HBEGF: variants seen among roughly 807,000 people sequenced by gnomAD.
The protein encoded by HBEGF is heparin binding EGF like growth factor.
HBEGF carries 8 observed loss-of-function variants against 19.5 expected under a neutral mutation model. The ratio of observed to expected loss-of-function variants is 0.41; its 90% confidence interval spans 0.24 to 0.74. The LOEUF (loss-of-function observed/expected upper bound fraction) is 0.74. Ranked by LOEUF, HBEGF falls within the 30% of genes least tolerant of loss-of-function variation. HBEGF has a pLI of 0.32. For missense variants in HBEGF, 207 were observed against 256.9 expected, an observed-to-expected ratio of 0.81 and a Z score of 1.33; for synonymous variants, 97 against 108.9, an observed-to-expected ratio of 0.89 and a Z score of 0.68.
chr5:140,342,628 C>T lies in HBEGF; in HGVS notation c.398+7G>A, dbSNP rs756336587. ...ATGAGATTCAGCCCTGGGGAAGGGG[C>T]ACTTACATGCAGGAGGGAGCCCGGA... On this transcript the variant is annotated splice_region_variant and intron_variant, in intron 3 of 5. Coordinates refer to ENST00000230990, the MANE Select transcript of HBEGF (RefSeq NM_001945.3). The T allele has an allele frequency of 6.2e-7, 1 of 1,613,738 alleles. No homozygotes were observed. The highest frequency in any genetic ancestry group is 8.5e-7 in the Non-Finnish European group (1 of 1,179,792).
chr5:140,346,561 A>AGGCC lies in HBEGF; in HGVS notation c.-237_-234dup. On this transcript the variant is annotated 5_prime_UTR_variant, in exon 1 of 6. Coordinates refer to ENST00000230990, the MANE Select transcript of HBEGF (RefSeq NM_001945.3). The surrounding 1 kb of genome is among the most constrained non-coding windows in gnomAD (Gnocchi z 6.1). ...CCGCCCGACCCCGCGCGCCTAGGTC[A>AGGCC]GGCCAGCCAGCAGCGTGGCCCGCGT... is the stretch of plus-strand genomic sequence containing the variant. 1 of 580,916 alleles carries AGGCC rather than the reference A, an allele frequency of 1.7e-6. No homozygotes were observed. The highest frequency in any genetic ancestry group is 3.0e-6 in the Non-Finnish European group (1 of 328,472). 36.0% of individuals were successfully genotyped at this position (580,916 alleles called of 1,614,324 possible). A position where few individuals can be genotyped will look rare whatever the true frequency, so the allele number is the denominator to read the frequency against.
chr5:140,344,038 T>A (rs537847625), intron 2 of HBEGF, among the ~76,000 whole-genome samples: 67 of 151,874 alleles, frequency 4.4e-4, no homozygotes, highest in Non-Finnish European at 7.5e-4. Context: ...CTCAGGAGGC[T>A]GAGGCAGGAG....
chr5:140,337,032 T>C (rs750433764), intron 3 of HBEGF, among the ~76,000 whole-genome samples: 1 of 151,964 alleles, frequency 6.6e-6, no homozygotes, highest in Non-Finnish European at 1.5e-5. Flanking sequence ...AGTTTCACCA[T>C]GTTAACTAGG....
chr5:140,343,801 G>A (rs1293299488), intron 2 of HBEGF, among the ~76,000 whole-genome samples: 2 of 152,202 alleles, frequency 1.3e-5, no homozygotes, highest in African/African-American at 2.4e-5. Context: ...AGCATGATAC[G>A]TTAGACTAGA....
chr5:140,335,588 G>A (rs1323937430), intron 4 of HBEGF, among the ~76,000 whole-genome samples: 1 of 152,052 alleles, frequency 6.6e-6, no homozygotes, highest in Admixed American at 6.6e-5. Flanking sequence ...AAAGAAATGT[G>A]TGACAAAGTG....
At chr5:140,335,844 A>G (rs1484715601) in intron 4 of HBEGF, 28 bp downstream of exon 4, 1 of 1,609,596 alleles carries the variant, frequency 6.2e-7, no homozygotes. Context: ...ATTTGCAGAA[A>G]CAGCCTGCAG....
At position 140,335,112 on chromosome 5, in the gene HBEGF, G is replaced by A. The variant is rs182939535; in HGVS notation, c.555-364C>T. On this transcript the variant is annotated intron_variant, in intron 4 of 5. Coordinates refer to ENST00000230990, the MANE Select transcript of HBEGF (RefSeq NM_001945.3). ...TGAAAACAGGCATAGAGCTAGGCACGGTGGCTCATGCCTGTAATCCCAGCA... is the reference window on the plus strand; with the variant it reads ...TGAAAACAGGCATAGAGCTAGGCACAGTGGCTCATGCCTGTAATCCCAGCA... 13 of 208,392 alleles carry A rather than the reference G, an allele frequency of 6.2e-5. No homozygotes were observed. In the East Asian group the frequency reaches 1.4e-3, roughly 23 times the overall value. The allele number at this position is 208,392 out of a possible 1,614,324, so 12.9% of individuals were successfully genotyped here. A position where few individuals can be genotyped will look rare whatever the true frequency, so the allele number is the denominator to read the frequency against.
Position 140,337,726 on chromosome 5 carries a change from C to A in HBEGF, c.399-1699G>T, listed in dbSNP as rs4150226. Among the ~76,000 whole-genome samples, 145 of 152,280 alleles carry A rather than the reference C, an allele frequency of 9.5e-4. No individual in the cohort carries two copies. In the South Asian group the frequency reaches 0.022, roughly 24 times the overall value. ...ACCTCACAGCAGGATAAATGTAGGT[C>A]AGGCCCACTATACGTATAGCACAGT... On this transcript the variant is annotated intron_variant, in intron 3 of 5. Transcript: ENST00000230990.
intron 4 of HBEGF, chr5:140,335,020 A>G: frequency 2.0e-6 from 1 of 507,858 alleles, no homozygotes; most frequent in East Asian, 3.5e-5. Flanking sequence ...TACAATCACT[A>G]CAAGGTTACA....
chr5:140,345,665 C>T (rs1267148325), intron 2 of HBEGF, among the ~76,000 whole-genome samples: 3 of 152,126 alleles, frequency 2.0e-5, no homozygotes, highest in African/African-American at 4.8e-5. Context: ...CCAGACAACA[C>T]GTCTGATTCA....
At chr5:140,344,490 T>C (rs1347951331) in intron 2 of HBEGF, among the ~76,000 whole-genome samples, 2 of 152,170 alleles carry the variant, frequency 1.3e-5, no homozygotes, top group Non-Finnish European at 2.9e-5. Context: ...CAGGATAACA[T>C]ATCAAGTGCC....
chr5:140,346,275 C>T lies in HBEGF; in HGVS notation c.46+8G>A. Reference sequence around the variant, plus strand: ...CCCGATCTCCGGGGGCGTCGGCAGCCCTCTTACCTGCAGCCAGAAAGAGCT... The same window carrying T: ...CCCGATCTCCGGGGGCGTCGGCAGCTCTCTTACCTGCAGCCAGAAAGAGCT... On this transcript the variant is annotated splice_region_variant and intron_variant, in intron 1 of 5. Coordinates refer to ENST00000230990, the MANE Select transcript of HBEGF (RefSeq NM_001945.3). This position sits in a 1 kb window ranked among gnomAD's most constrained non-coding sequence, Gnocchi z 6.1. 6.2e-7 allele frequency: 1 copy of T among 1,604,288 alleles called. No individual in the cohort carries two copies. Among genetic ancestry groups the T allele is most frequent in the Non-Finnish European group, 8.5e-7 (1 of 1,176,052 alleles).
intron 2 of HBEGF, 181 bp from the exon 3 acceptor site, chr5:140,342,993 A>G: frequency 1.6e-6 from 1 of 625,740 alleles, no homozygotes; most frequent in Non-Finnish European, 2.8e-6. Context: ...CAGAACCACC[A>G]GAAAGAGGGA....
intron 2 of HBEGF, 179 bp from the exon 3 acceptor site, chr5:140,342,991 C>T: frequency 1.6e-6 from 1 of 631,212 alleles, no homozygotes; most frequent in East Asian, 2.6e-5. Flanking sequence ...GGCAGAACCA[C>T]CAGAAAGAGG....
rs1766404031 is a variant in HBEGF at position 140,346,541 on chromosome 5, C to G, written c.-213G>C. 4 of 600,136 alleles carry G rather than the reference C, an allele frequency of 6.7e-6. No individual in the cohort carries two copies. The highest frequency in any genetic ancestry group is 2.0e-5 in the South Asian group (1 of 49,950). 37.2% of individuals were successfully genotyped at this position (600,136 alleles called of 1,614,324 possible). A position where few individuals can be genotyped will look rare whatever the true frequency, so the allele number is the denominator to read the frequency against. On this transcript the variant is annotated 5_prime_UTR_variant, in exon 1 of 6. Coordinates refer to ENST00000230990, the MANE Select transcript of HBEGF (RefSeq NM_001945.3). This position sits in a 1 kb window ranked among gnomAD's most constrained non-coding sequence, Gnocchi z 6.1. ...CACTCAGCCCGCCCGCGCGGCCGCC[C>G]GACCCCGCGCGCCTAGGTCAGGCCA...
intron 4 of HBEGF, among the ~76,000 whole-genome samples, chr5:140,335,462 A>G (rs539202217): frequency 6.6e-6 from 1 of 152,060 alleles, no homozygotes; most frequent in Admixed American, 6.5e-5. Flanking sequence ...GCATACCTGG[A>G]TTAGAAAGCA....
chr5:140,335,399 A>G (rs113790245), intron 4 of HBEGF, among the ~76,000 whole-genome samples: 6,999 of 148,616 alleles, frequency 0.047, 181 homozygotes, highest in Middle Eastern at 0.098. Context: ...AAAAAAAAAA[A>G]AAAGAAAGAA....
chr5:140,341,888 G>A (rs888005877), intron 3 of HBEGF, among the ~76,000 whole-genome samples: 1 of 152,174 alleles, frequency 6.6e-6, no homozygotes, highest in African/African-American at 2.4e-5. Flanking sequence ...TGCTGGGTTT[G>A]GCTTAGGAGA....
rs1393736624 is a variant in HBEGF at position 140,332,921 on chromosome 5, C to A, written c.*1378G>T. The stretch of plus-strand genomic sequence containing the variant: ...TTTGGAAATACAAGTTGTAACAGTT[C>A]AGAAATGGCACCAGAAACTTCCAGA... On this transcript the variant is annotated 3_prime_UTR_variant, in exon 6 of 6. Transcript: ENST00000230990. 1 of 152,588 alleles carries A rather than the reference C, an allele frequency of 6.6e-6. No individual in the cohort carries two copies. The highest frequency in any genetic ancestry group is 1.5e-5 in the Non-Finnish European group (1 of 68,018). 9.5% of individuals were successfully genotyped at this position (152,588 alleles called of 1,614,324 possible). A position where few individuals can be genotyped will look rare whatever the true frequency, so the allele number is the denominator to read the frequency against.
Sources: gnomAD v4.1 joint callset for allele counts (sites outside exome capture counted in the v4.1 genomes callset) on GRCh38, gnomAD v4.1.1 for gene constraint, Gnocchi (gnomAD v3.1) non-coding constraint, MANE v1.5 for transcripts, NCBI Gene and HGNC (gene_info 2026-07-23, HGNC 2026-07-21) for gene names.